Variants in ZNF254 observed in about 807,000 individuals in gnomAD.
ZNF254 encodes the protein CTD-2017D11.1.
Under a neutral mutation model 12.4 loss-of-function variants are expected in ZNF254, and 10 were observed. The observed-to-expected ratio is 0.80, with a 90% CI of 0.50 to 1.36. ZNF254 has a LOEUF of 1.36. Ranked by LOEUF, ZNF254 falls within the 40% of genes most tolerant of loss-of-function variation. The probability of loss-of-function intolerance (pLI) is 0.00; values close to 1 mark genes in which losing one functional copy is unlikely to be tolerated. For missense variants in ZNF254, 996 were observed against 763.9 expected, an observed-to-expected ratio of 1.30 and a Z score of -3.58; for synonymous variants, 305 against 253.4, an observed-to-expected ratio of 1.20 and a Z score of -1.93.
intron 2 of ZNF254, chr19:24,078,343 G>C (rs1971733283): frequency 2.0e-5 from 3 of 152,074 alleles, no homozygotes; most frequent in African/African-American, 7.2e-5. Flanking sequence ...TTTACTTTCT[G>C]ACTAGCAGTC....
chr19:24,110,612 C>T (rs980729499), intron 3 of ZNF254, among the ~76,000 whole-genome samples: 2 of 151,960 alleles, frequency 1.3e-5, no homozygotes, highest in South Asian at 4.1e-4. Flanking sequence ...ATATTCACAT[C>T]GTTATGCAAA....
intron 3 of ZNF254, among the ~76,000 whole-genome samples, chr19:24,122,867 G>T (rs1010678002): frequency 6.6e-6 from 1 of 152,094 alleles, no homozygotes; most frequent in Non-Finnish European, 1.5e-5. Context: ...GTTTATATAT[G>T]TGCTGCATTC....
intron 2 of ZNF254, among the ~76,000 whole-genome samples, chr19:24,051,039 C>T (rs1970627804): frequency 6.6e-6 from 1 of 152,000 alleles, no homozygotes; most frequent in South Asian, 2.1e-4. Context: ...GCCCTGCCGA[C>T]TGGAGTGATT....
chr19:24,042,657 C>T (rs917758811), intron 1 of ZNF254, among the ~76,000 whole-genome samples: 5 of 152,192 alleles, frequency 3.3e-5, no homozygotes, highest in African/African-American at 1.2e-4. Context: ...CGGCTTCATT[C>T]TTGAAGTCAG....
chr19:24,087,168 G>A (rs1041109017), upstream of ZNF254: 3 of 1,124,978 alleles, frequency 2.7e-6, no homozygotes, highest in Admixed American at 5.8e-5. Flanking sequence ...GGACAAAGCG[G>A]CTTCCGGGAT....
chr19:24,090,681 C>G (rs1972318745), intron 1 of ZNF254, among the ~76,000 whole-genome samples: 2 of 152,120 alleles, frequency 1.3e-5, no homozygotes, highest in South Asian at 4.1e-4. Flanking sequence ...AAGTGACTCA[C>G]CTGCCTGAGC....
At chr19:24,073,200 C>G (rs1352663988) in intron 2 of ZNF254, among the ~76,000 whole-genome samples, 1 of 152,158 alleles carries the variant, frequency 6.6e-6, no homozygotes, top group Middle Eastern at 3.2e-3. Flanking sequence ...TCACCCTGAC[C>G]CATGGACAGT....
At chr19:24,123,773 G>C (rs991542167) in intron 3 of ZNF254, among the ~76,000 whole-genome samples, 1 of 152,144 alleles carries the variant, frequency 6.6e-6, no homozygotes, top group South Asian at 2.1e-4. Flanking sequence ...GATGTAGCTT[G>C]TGTAAGATTA....
At chr19:24,117,116 C>T (rs575839820) in intron 3 of ZNF254, among the ~76,000 whole-genome samples, 5 of 152,170 alleles carry the variant, frequency 3.3e-5, no homozygotes, top group Non-Finnish European at 5.9e-5. Flanking sequence ...TGGGGGGTGC[C>T]TCCCAGTTAG....
chr19:24,081,527 T>A (rs1749239263), intron 2 of ZNF254, among the ~76,000 whole-genome samples: 1 of 152,152 alleles, frequency 6.6e-6, no homozygotes. Context: ...GGGAATAAAT[T>A]CCCTGTTTAA....
chr19:24,125,659 GGA>G (rs1324740402), intron 3 of ZNF254, among the ~76,000 whole-genome samples: 2 of 152,102 alleles, frequency 1.3e-5, no homozygotes, highest in African/African-American at 2.4e-5. Flanking sequence ...TATTTAATTA[GGA>G]GAGATTACTC....
At chr19:24,087,600 A>T (rs1234227175) in intron 1 of ZNF254, among the ~76,000 whole-genome samples, 1 of 152,124 alleles carries the variant, frequency 6.6e-6, no homozygotes, top group Non-Finnish European at 1.5e-5. Flanking sequence ...CGTCTCTCCC[A>T]GATTGTTCAG....
intron 3 of ZNF254, among the ~76,000 whole-genome samples, chr19:24,112,500 G>A (rs1241074094): frequency 6.7e-6 from 1 of 149,780 alleles, no homozygotes; most frequent in African/African-American, 2.5e-5. Flanking sequence ...ATCATTGGTA[G>A]CTTGATGGGG....
chr19:24,044,477 G>A (rs1970300132), intron 1 of ZNF254, among the ~76,000 whole-genome samples: 1 of 151,614 alleles, frequency 6.6e-6, no homozygotes, highest in Admixed American at 6.6e-5. Flanking sequence ...GGCAGAGCTT[G>A]CAGGGAGCCG....
At position 24,119,631 on chromosome 19, in the gene ZNF254, A is replaced by G. The variant is rs117453660; in HGVS notation, c.254-6623A>G. 8.5e-5 allele frequency among the ~76,000 whole-genome samples: 13 copies of G among 152,192 alleles called. No individual in the cohort carries two copies. In the East Asian group the frequency reaches 2.5e-3, roughly 29 times the overall value. On this transcript the variant is annotated intron_variant, in intron 3 of 3. Transcript: ENST00000357002. ...CAGCCTCTCAGGTAGCTGGGTTACA[A>G]GTGTGTAGCTTCATGTCCTCCCAGT...
At chr19:24,089,006 C>T (rs1255184609) in intron 1 of ZNF254, among the ~76,000 whole-genome samples, 1 of 110,860 alleles carries the variant, frequency 9.0e-6, no homozygotes, top group Non-Finnish European at 1.7e-5. Flanking sequence ...GACAGAGTTT[C>T]ACTCTTGTTG....
chr19:24,054,494 A>G (rs1970766076), intron 2 of ZNF254, among the ~76,000 whole-genome samples: 1 of 152,176 alleles, frequency 6.6e-6, no homozygotes, highest in Admixed American at 6.5e-5. Flanking sequence ...CCACACTCTA[A>G]CATATTGTAT....
rs1695589381 is a variant in ZNF254, at chr19:24,128,609, AT to A, written c.*635del. 1 of 152,100 alleles carries A rather than the reference AT, an allele frequency of 6.6e-6. No individual in the cohort carries two copies. Among genetic ancestry groups the A allele is most frequent in the Non-Finnish European group, 1.5e-5 (1 of 67,948 alleles). The allele number at this position is 152,100 out of a possible 1,614,324, so 9.4% of individuals were successfully genotyped here. A position where few individuals can be genotyped will look rare whatever the true frequency, so the allele number is the denominator to read the frequency against. ...GCAAGTATAATGAATTTGGAAAAAC[AT>A]TTTTTCAAAAACTACAAATTATAAA... On this transcript the variant is annotated 3_prime_UTR_variant, in exon 4 of 4. Coordinates refer to ENST00000357002, the MANE Select transcript of ZNF254 (RefSeq NM_203282.4).
At chr19:24,047,106 T>C (rs1443553794) in intron 2 of ZNF254, among the ~76,000 whole-genome samples, 2 of 152,084 alleles carry the variant, frequency 1.3e-5, no homozygotes, top group South Asian at 2.1e-4. Flanking sequence ...TGACCTCAAG[T>C]GATCCTCATG....
Sources: gnomAD v4.1 joint callset for allele counts (sites outside exome capture counted in the v4.1 genomes callset) on GRCh38, gnomAD v4.1.1 for gene constraint, MANE v1.5 for transcripts, NCBI Gene and HGNC (gene_info 2026-07-23, HGNC 2026-07-21) for gene names.